The following PDE4B variants were observed in gnomAD, a reference collection of about 807,000 sequenced individuals.
The protein encoded by PDE4B is 3',5'-cyclic-AMP phosphodiesterase 4B.
PDE4B carries 20 observed loss-of-function variants against 82.2 expected under a neutral mutation model. The ratio of observed to expected loss-of-function variants is 0.24; its 90% CI spans 0.17 to 0.35. The LOEUF is 0.35. Ranked by LOEUF, PDE4B falls within the 10% of genes least tolerant of loss-of-function variation. The pLI is 1.00. For synonymous variants in PDE4B, 320 were observed against 318.9 expected (o/e 1.00, Z -0.04); for missense variants, 655 against 907.2 (o/e 0.72, Z 3.57).
intron 1 of PDE4B, among the ~76,000 whole-genome samples, chr1:65,839,517 G>A (rs1474885604): frequency 3.3e-5 from 5 of 152,140 alleles, no homozygotes; most frequent in Non-Finnish European, 5.9e-5. Context: ...AGAACATGCA[G>A]TGTTTGGTTC....
intron 3 of PDE4B, among the ~76,000 whole-genome samples, chr1:65,936,169 G>A (rs1557443847): frequency 6.6e-6 from 1 of 152,074 alleles, no homozygotes; most frequent in East Asian, 1.9e-4. Context: ...CCCACTGGAG[G>A]GTCTTCAGGA....
At chr1:66,314,311 C>T (rs1446531507) in intron 7 of PDE4B, among the ~76,000 whole-genome samples, 1 of 152,210 alleles carries the variant, frequency 6.6e-6, no homozygotes, top group Non-Finnish European at 1.5e-5. Context: ...ATGCCTCACC[C>T]CTATTCAAGA....
At chr1:66,001,990 T>G (rs1286290532) in intron 3 of PDE4B, among the ~76,000 whole-genome samples, 3 of 152,184 alleles carry the variant, frequency 2.0e-5, no homozygotes, top group African/African-American at 7.2e-5. Flanking sequence ...CCCAAAATGC[T>G]GTGATTACAG....
At chr1:65,820,732 T>C (rs576620770) in intron 1 of PDE4B, among the ~76,000 whole-genome samples, 115 of 152,360 alleles carry the variant, frequency 7.5e-4, no homozygotes, top group African/African-American at 2.5e-3. Flanking sequence ...GGTATTTACA[T>C]TGACATTTTA....
intron 7 of PDE4B, among the ~76,000 whole-genome samples, chr1:66,274,095 G>A (rs547784604): frequency 6.6e-6 from 1 of 152,212 alleles, no homozygotes; most frequent in African/African-American, 2.4e-5. Context: ...GAATTGGTTT[G>A]AGAACCCAGT....
At chr1:65,832,696 G>T (rs1016041416) in intron 1 of PDE4B, among the ~76,000 whole-genome samples, 8 of 152,188 alleles carry the variant, frequency 5.3e-5, no homozygotes, top group African/African-American at 1.9e-4. Flanking sequence ...CTGAGTCCTG[G>T]TAGGATAGAA....
intron 3 of PDE4B, among the ~76,000 whole-genome samples, chr1:65,984,603 A>G (rs1650859013): frequency 6.6e-6 from 1 of 152,136 alleles, no homozygotes; most frequent in African/African-American, 2.4e-5. Flanking sequence ...AAAAATAGAA[A>G]AATTAGCCAG....
intron 7 of PDE4B, among the ~76,000 whole-genome samples, chr1:66,303,126 T>C (rs1658018655): frequency 6.6e-6 from 1 of 152,150 alleles, no homozygotes; most frequent in African/African-American, 2.4e-5. Flanking sequence ...TTCACCATTG[T>C]AACCACAACA....
At chr1:66,151,197 A>G (rs1198048171) in intron 3 of PDE4B, among the ~76,000 whole-genome samples, 1 of 152,232 alleles carries the variant, frequency 6.6e-6, no homozygotes, top group Non-Finnish European at 1.5e-5. Context: ...TCGTGGAACA[A>G]AGGACTTACA....
chr1:66,201,536 C>A (rs552195672), intron 3 of PDE4B, among the ~76,000 whole-genome samples: 1 of 151,622 alleles, frequency 6.6e-6, no homozygotes, highest in South Asian at 2.1e-4. Flanking sequence ...TGTTATTGGT[C>A]TATTCAAAGA....
chr1:66,295,270 G>A (rs1162149462), intron 7 of PDE4B, among the ~76,000 whole-genome samples: 2 of 152,104 alleles, frequency 1.3e-5, no homozygotes, highest in East Asian at 3.9e-4. Flanking sequence ...TAGATTAGTG[G>A]CTTTCAAACT....
rs482668 is a variant in PDE4B at position 66,315,196 on chromosome 1, A to G, written c.635-17312A>G. Among the ~76,000 whole-genome samples the G allele has an allele frequency of 9.1e-3, 1,392 of 152,340 alleles. 18 individuals carry two copies. The highest frequency in any genetic ancestry group is 0.032 in the African/African-American group (1,344 of 41,568). The stretch of plus-strand genomic sequence containing the variant: ...TTTGTTCAGGGTTGACTATCAGTTG[A>G]TGGTTGCAATGATTAGCATTATTTT... On this transcript the variant is annotated intron_variant, in intron 7 of 16. Transcript: ENST00000341517.
chr1:66,057,104 A>G (rs1006650171), intron 3 of PDE4B, among the ~76,000 whole-genome samples: 2 of 152,138 alleles, frequency 1.3e-5, no homozygotes, highest in Non-Finnish European at 2.9e-5. Flanking sequence ...ATCATCCCCT[A>G]CCCAAGACAA....
At chr1:66,042,917 G>C (rs1021821228) in intron 3 of PDE4B, among the ~76,000 whole-genome samples, 3 of 151,754 alleles carry the variant, frequency 2.0e-5, no homozygotes, top group African/African-American at 7.3e-5. Context: ...AATTGGAACT[G>C]TACTTCAGCA....
At chr1:66,266,309 C>A (rs1245429412) in intron 7 of PDE4B, among the ~76,000 whole-genome samples, 2 of 152,146 alleles carry the variant, frequency 1.3e-5, no homozygotes, top group Non-Finnish European at 2.9e-5. Flanking sequence ...TATGTGCAGG[C>A]TTTCAGAATA....
At chr1:65,918,141 G>A (rs898409288) in intron 2 of PDE4B, among the ~76,000 whole-genome samples, 5 of 152,144 alleles carry the variant, frequency 3.3e-5, no homozygotes, top group Admixed American at 6.5e-5. Flanking sequence ...GTGACAGAGC[G>A]AGACTCCATC....
intron 3 of PDE4B, among the ~76,000 whole-genome samples, chr1:66,228,485 A>G (rs1196137174): frequency 1.3e-5 from 2 of 152,010 alleles, no homozygotes; most frequent in East Asian, 1.9e-4. Flanking sequence ...TTAGCCAGAC[A>G]TGGTGGTGGG....
chr1:66,341,251 T>G (rs1345130046), intron 8 of PDE4B, among the ~76,000 whole-genome samples: 1 of 152,196 alleles, frequency 6.6e-6, no homozygotes, highest in Non-Finnish European at 1.5e-5. Context: ...CTCCAAAGTC[T>G]TAAGGTGTAT....
chr1:66,358,441 G>C (rs193144470), intron 9 of PDE4B, among the ~76,000 whole-genome samples: 2 of 152,158 alleles, frequency 1.3e-5, no homozygotes, highest in African/African-American at 4.8e-5. Context: ...TTCAGAGGCC[G>C]AGATGGGCAG....
Sources: allele counts gnomAD v4.1 joint callset (sites outside exome capture counted in the v4.1 genomes callset), GRCh38; gene constraint gnomAD v4.1.1; transcripts MANE v1.5; gene names NCBI Gene and HGNC (gene_info 2026-07-23, HGNC 2026-07-21).